GET1: variants seen among roughly 807,000 people sequenced by gnomAD.
The protein encoded by GET1 is guided entry of tail-anchored proteins factor 1, also known as congenital heart disease 5 protein.
A neutral mutation model predicts 22.6 loss-of-function variants in GET1; 20 were observed. The observed-to-expected ratio is 0.89, with a 90% confidence interval of 0.62 to 1.29. The LOEUF is 1.29. GET1 is among the 50% of genes most tolerant of loss of function. GET1 has a pLI of 0.00. For synonymous variants in GET1, 92 were observed against 83.8 expected, an observed-to-expected ratio of 1.10 and a Z score of -0.53; for missense variants, 209 against 219.9, an observed-to-expected ratio of 0.95 and a Z score of 0.31.
At chr21:39,422,823 G>A in intron 1 of GET1, 1 of 706,048 alleles carries the variant, frequency 1.4e-6, no homozygotes, top group Non-Finnish European at 2.4e-6. Flanking sequence ...CCCTTTCTGT[G>A]CCCTCTATTA....
At chr21:39,393,634 G>C (rs2038452657) in intron 4 of GET1, among the ~76,000 whole-genome samples, 1 of 152,062 alleles carries the variant, frequency 6.6e-6, no homozygotes, top group African/African-American at 2.4e-5. Context: ...AGCACTTGCT[G>C]CTCCTGGCTA....
intron 4 of GET1, among the ~76,000 whole-genome samples, chr21:39,393,510 G>T (rs914621875): frequency 1.3e-5 from 2 of 152,170 alleles, no homozygotes; most frequent in Admixed American, 1.3e-4. Context: ...TTCAGTCCTA[G>T]GTCTGTTTCC....
chr21:39,423,793 T>C (rs1319620124), intron 1 of GET1, among the ~76,000 whole-genome samples: 1 of 152,194 alleles, frequency 6.6e-6, no homozygotes, highest in Non-Finnish European at 1.5e-5. Context: ...ACAGAATGGA[T>C]TGAAAACCAG....
intron 1 of GET1, chr21:39,428,074 A>G (rs2075074214): frequency 1.4e-6 from 1 of 698,164 alleles, no homozygotes; most frequent in Non-Finnish European, 2.5e-6. Flanking sequence ...ATATGGGAAA[A>G]CAATAAAACT....
chr21:39,383,438 T>A (rs1601595108), intron 1 of GET1, among the ~76,000 whole-genome samples: 1 of 150,842 alleles, frequency 6.6e-6, no homozygotes, highest in Non-Finnish European at 1.5e-5. Flanking sequence ...CCCGCCACTA[T>A]GCCCGGCTAA....
chr21:39,416,485 A>C (rs1344616272), intron 1 of GET1, among the ~76,000 whole-genome samples: 1 of 152,076 alleles, frequency 6.6e-6, no homozygotes, highest in Non-Finnish European at 1.5e-5. Flanking sequence ...CCTGCACCAG[A>C]CCTAGAATTT....
At chr21:39,402,050 T>C (rs1393645188), downstream of GET1, among the ~76,000 whole-genome samples, 1 of 152,146 alleles carries the variant, frequency 6.6e-6, no homozygotes, top group Non-Finnish European at 1.5e-5. Flanking sequence ...CTCTAAATGT[T>C]CAAGTGCAAG....
intron 4 of GET1, among the ~76,000 whole-genome samples, 157 bp downstream of exon 4, chr21:39,393,437 G>A (rs553191675): frequency 6.6e-6 from 1 of 152,280 alleles, no homozygotes; most frequent in Admixed American, 6.5e-5. Context: ...TGAAGAAACT[G>A]AGGTCTGAAA....
intron 1 of GET1, among the ~76,000 whole-genome samples, chr21:39,381,795 T>C (rs180993198): frequency 1.3e-5 from 2 of 152,346 alleles, no homozygotes; most frequent in East Asian, 1.9e-4. Context: ...CTCTGTGCAG[T>C]GGTGTAATCT....
intron 1 of GET1, chr21:39,420,871 C>G (rs1446681859): frequency 1.3e-6 from 2 of 1,563,396 alleles, no homozygotes; most frequent in South Asian, 1.1e-5. Flanking sequence ...TATAACTATT[C>G]TGCAACCAAG....
intron 4 of GET1, among the ~76,000 whole-genome samples, chr21:39,403,881 A>G (rs1292464367): frequency 6.6e-6 from 1 of 152,104 alleles, no homozygotes; most frequent in African/African-American, 2.4e-5. Flanking sequence ...TCAGCCTCCC[A>G]AAGTGTTGGG....
At chr21:39,420,699 G>C in intron 1 of GET1, 1 of 1,606,166 alleles carries the variant, frequency 6.2e-7, no homozygotes, top group Non-Finnish European at 8.5e-7. Flanking sequence ...TGTTTTAAAA[G>C]AAATACCTTA....
intron 1 of GET1, among the ~76,000 whole-genome samples, chr21:39,414,742 C>CTCTCTGTGTGTGTGTGTG (rs1341489035): frequency 4.0e-5 from 4 of 99,230 alleles, no homozygotes; most frequent in Admixed American, 1.1e-4. Context: ...CTCTCTCTCT[C>CTCTCTGTGTGTGTGTGTG]TGTGTGTGTG....
chr21:39,413,125 C>T (rs1453525913), intron 1 of GET1, among the ~76,000 whole-genome samples: 1 of 152,162 alleles, frequency 6.6e-6, no homozygotes, highest in Admixed American at 6.5e-5. Flanking sequence ...ACATTCAGTA[C>T]ACATCAGACA....
At chr21:39,392,123 G>A (rs9305674) in intron 3 of GET1, 257,638 of 385,712 alleles carry the variant, frequency 0.67, 87,771 homozygotes, top group East Asian at 0.8. Flanking sequence ...GGTTTGAAGG[G>A]CCTGGTGGGA....
At chr21:39,395,369 T>A (rs1207808862) in intron 4 of GET1, among the ~76,000 whole-genome samples, 1 of 19,336 alleles carries the variant, frequency 5.2e-5, no homozygotes, top group Non-Finnish European at 1.5e-4. Flanking sequence ...GGAATGACTA[T>A]TTTTTTTTTT....
chr21:39,400,485 A>G (rs1158266968), downstream of GET1, among the ~76,000 whole-genome samples: 2 of 152,186 alleles, frequency 1.3e-5, no homozygotes, highest in Non-Finnish European at 2.9e-5. Flanking sequence ...ACTCACAATC[A>G]CATAATGGTT....
chr21:39,424,711 C>T (rs565699981), intron 1 of GET1, among the ~76,000 whole-genome samples: 1 of 152,200 alleles, frequency 6.6e-6, no homozygotes, highest in African/African-American at 2.4e-5. Context: ...ATACAGATAC[C>T]GATTTTCCAT....
chr21:39,390,872 T>C lies in GET1; in HGVS notation c.268+9T>C, dbSNP rs1249150351. 1.9e-6 allele frequency: 3 copies of C among 1,613,868 alleles called. No individual in the cohort carries two copies. The highest frequency in any genetic ancestry group is 2.5e-6 in the Non-Finnish European group (3 of 1,179,830). On this transcript the variant is annotated intron_variant, in intron 2 of 4. Transcript: ENST00000649170. ...TAAGCTCAAAACCCATGGTACTGTG[T>C]CCCTTGCAGCCTGGAGGCTTCATGA...
Sources: allele counts gnomAD v4.1 joint callset (sites outside exome capture counted in the v4.1 genomes callset), GRCh38; gene constraint gnomAD v4.1.1; transcripts MANE v1.5; gene names NCBI Gene and HGNC (gene_info 2026-07-23, HGNC 2026-07-21).